CPB2: variants seen among roughly 807,000 people sequenced by gnomAD.
The protein encoded by CPB2 is carboxypeptidase B-like protein.
Under a neutral mutation model 57.0 loss-of-function variants are expected in CPB2, and 54 were observed. The observed-to-expected ratio is 0.95, with a 90% CI of 0.76 to 1.19. The LOEUF (loss-of-function observed/expected upper bound fraction) is 1.19, where lower values mean the gene tolerates loss of function less well. CPB2 is among the 50% of genes most tolerant of loss of function. The pLI is 0.00. For synonymous variants in CPB2, 189 were observed against 178.1 expected (o/e 1.06, Z -0.49); for missense variants, 426 against 512.0 (o/e 0.83, Z 1.62).
chr13:46,086,609 A>G (rs1049698973), intron 2 of CPB2, among the ~76,000 whole-genome samples: 13 of 152,272 alleles, frequency 8.5e-5, no homozygotes, highest in Middle Eastern at 3.4e-3. Flanking sequence ...GTGCGGAAAA[A>G]TCACCGTCAG....
chr13:46,079,386 A>G (rs1050378602), intron 4 of CPB2, among the ~76,000 whole-genome samples: 2 of 152,166 alleles, frequency 1.3e-5, no homozygotes, highest in Non-Finnish European at 2.9e-5. Context: ...GATTGGCACA[A>G]TGATGAGAGG....
chr13:46,089,066 A>G (rs2045252565), intron 1 of CPB2, among the ~76,000 whole-genome samples: 1 of 151,478 alleles, frequency 6.6e-6, no homozygotes, highest in African/African-American at 2.4e-5. Flanking sequence ...ATATTCTCAT[A>G]TACTTCTTCT....
intron 8 of CPB2, among the ~76,000 whole-genome samples, chr13:46,063,772 T>A (rs2139357299): frequency 1.3e-5 from 2 of 152,298 alleles, no homozygotes; most frequent in South Asian, 4.1e-4. Context: ...TGTTCTTGAA[T>A]GCATAACTCA....
chr13:46,066,702 A>G (rs6561283), intron 7 of CPB2, among the ~76,000 whole-genome samples: 119,788 of 151,908 alleles, frequency 0.79, 47,581 homozygotes, highest in African/African-American at 0.88. Context: ...AAGCTTAGCC[A>G]GGCATGGTGG....
chr13:46,086,272 G>T (rs2045202700), intron 2 of CPB2, among the ~76,000 whole-genome samples: 1 of 152,192 alleles, frequency 6.6e-6, no homozygotes, highest in Admixed American at 6.5e-5. Flanking sequence ...TTGTGTTAGA[G>T]CTCTTTCACC....
chr13:46,089,498 C>G (rs2045259850), intron 1 of CPB2, among the ~76,000 whole-genome samples: 1 of 152,066 alleles, frequency 6.6e-6, no homozygotes, highest in African/African-American at 2.4e-5. Context: ...ATGGAAGCAG[C>G]CAAGATCTCC....
intron 1 of CPB2, among the ~76,000 whole-genome samples, chr13:46,104,731 C>G (rs1458484931): frequency 6.6e-6 from 1 of 152,048 alleles, no homozygotes; most frequent in African/African-American, 2.4e-5. Flanking sequence ...AAAACCAGAG[C>G]CAGGAAAGAA....
In CPB2 at chr13:46,064,629, A is replaced by C; in HGVS notation, c.796+19T>G. 1.9e-6 allele frequency: 3 copies of C among 1,604,492 alleles called. No homozygotes were observed. Among genetic ancestry groups the C allele is most frequent in the Non-Finnish European group, 2.6e-6 (3 of 1,171,310 alleles). On this transcript the variant is annotated intron_variant, in intron 8 of 10. Transcript: ENST00000181383. ...CTTTCAGTGAAGAGACATTGCAAGA[A>C]ATAAAGCCAACAACCTACCACACCA...
At position 46,104,954 on chromosome 13, in the gene CPB2, T is replaced by C; in HGVS notation, c.56A>G (p.His19Arg). Residue 19 changes from histidine (H) to arginine (R), a missense_variant, in exon 1 of 11, where the codon CAT becomes CGT. Transcript: ENST00000181383. ...LVPIVLFCEQ[H>R]VFAFQSGQVL... Reference sequence around the variant, plus strand: ...GGGTTACCTCTGAAACGCGAAGACATGCTGCTCACAGAAGAGAACAATGGG... The same window carrying C: ...GGGTTACCTCTGAAACGCGAAGACACGCTGCTCACAGAAGAGAACAATGGG... The C allele has an allele frequency of 6.2e-7, 1 of 1,613,934 alleles. No homozygotes were observed. Among genetic ancestry groups the C allele is most frequent in the Admixed American group, 1.7e-5 (1 of 60,000 alleles).
intron 9 of CPB2, among the ~76,000 whole-genome samples, chr13:46,056,860 C>T (rs983746247): frequency 3.9e-5 from 6 of 152,190 alleles, no homozygotes; most frequent in Non-Finnish European, 8.8e-5. Context: ...TCCTCAAGGA[C>T]AGTAACTACT....
At chr13:46,103,061 G>A (rs2045455612) in intron 1 of CPB2, among the ~76,000 whole-genome samples, 1 of 151,974 alleles carries the variant, frequency 6.6e-6, no homozygotes, top group African/African-American at 2.4e-5. Context: ...TTTATTGTTG[G>A]CTACTTCTTC....
chr13:46,102,733 T>G (rs1203697943), intron 1 of CPB2, among the ~76,000 whole-genome samples: 2 of 152,016 alleles, frequency 1.3e-5, no homozygotes, highest in African/African-American at 2.4e-5. Context: ...CAGAAACATT[T>G]GGTAAAAAAA....
chr13:46,066,013 C>T (rs1375200911), intron 7 of CPB2, among the ~76,000 whole-genome samples: 3 of 152,178 alleles, frequency 2.0e-5, no homozygotes, highest in Non-Finnish European at 4.4e-5. Context: ...ATTTGCCCAC[C>T]TCCACCTACA....
intron 10 of CPB2, among the ~76,000 whole-genome samples, chr13:46,054,422 TGGTTTATGCAG>T (rs1347827187): frequency 6.6e-6 from 1 of 152,204 alleles, no homozygotes; most frequent in African/African-American, 2.4e-5. Context: ...GATTTCAACT[TGGTTTATGCAG>T]GGTTTTCATA....
intron 2 of CPB2, 112 bp from the exon 3 acceptor site, chr13:46,084,455 C>T (rs760227149): frequency 8.8e-6 from 10 of 1,140,948 alleles, no homozygotes; most frequent in Non-Finnish European, 1.2e-5. Context: ...AAAGGACACT[C>T]CCTGGTGCTG....
chr13:46,076,502 A>G (rs978282397), intron 5 of CPB2, among the ~76,000 whole-genome samples: 2 of 152,158 alleles, frequency 1.3e-5, no homozygotes, highest in African/African-American at 4.8e-5. Flanking sequence ...AAAAAATGAA[A>G]AGATACCTCA....
At chr13:46,074,048 T>C (rs1043590195) in intron 5 of CPB2, 71 bp from the exon 6 acceptor site, 7 of 786,492 alleles carry the variant, frequency 8.9e-6, no homozygotes, top group Middle Eastern at 2.5e-4. Context: ...TTCATTTATA[T>C]AGTGCTTATA....
chr13:46,081,802 A>G (rs2045122383), intron 4 of CPB2, among the ~76,000 whole-genome samples: 1 of 152,210 alleles, frequency 6.6e-6, no homozygotes, highest in South Asian at 2.1e-4. Context: ...TATTCTTTCA[A>G]CTAACAAATA....
chr13:46,054,353 G>A (rs1002550310), intron 10 of CPB2, among the ~76,000 whole-genome samples: 7 of 152,030 alleles, frequency 4.6e-5, no homozygotes, highest in Admixed American at 1.3e-4. Context: ...TTGGCATGTA[G>A]ACCTTTTTTT....
Sources: allele counts gnomAD v4.1 joint callset (sites outside exome capture counted in the v4.1 genomes callset), GRCh38; gene constraint gnomAD v4.1.1; transcripts MANE v1.5; gene names NCBI Gene and HGNC (gene_info 2026-07-23, HGNC 2026-07-21).